Variants in CDH12 observed in about 807,000 individuals in gnomAD.
The protein encoded by CDH12 is cadherin-12.
A neutral mutation model predicts 74.1 loss-of-function variants in CDH12; 41 were observed. That is an observed-to-expected ratio of 0.55 (90% CI 0.43 to 0.72). CDH12 has a LOEUF of 0.72. CDH12 is among the 30% of genes least tolerant of loss of function. The probability of loss-of-function intolerance (pLI) is 0.00; values close to 1 mark genes in which losing one functional copy is unlikely to be tolerated. For synonymous variants in CDH12, 399 were observed against 355.0 expected, an observed-to-expected ratio of 1.12 and a Z score of -1.39; for missense variants, 945 against 977.2, an observed-to-expected ratio of 0.97 and a Z score of 0.44.
chr5:21,763,076 C>T (rs1744817635), intron 12 of CDH12, among the ~76,000 whole-genome samples: 1 of 152,064 alleles, frequency 6.6e-6, no homozygotes, highest in South Asian at 2.1e-4. Context: ...CGTGGATGCA[C>T]TTAAGGTGAT....
chr5:21,764,360 C>G lies in CDH12; in HGVS notation c.1515+618G>C, dbSNP rs540825037. 5.9e-5 allele frequency among the ~76,000 whole-genome samples: 9 copies of G among 151,314 alleles called. 1 individual carries two copies. Among genetic ancestry groups the G allele is most frequent in the Admixed American group, 3.3e-4 (5 of 15,170 alleles). On this transcript the variant is annotated intron_variant, in intron 12 of 14. Coordinates refer to ENST00000382254, the MANE Select transcript of CDH12 (RefSeq NM_004061.5). ...CTGCACTCCAGCCTGGGTGACAGAG[C>G]GAGACTCTGTCTCAAAATAAATAAA...
chr5:22,684,642 G>A (rs1741667129), intron 1 of CDH12, among the ~76,000 whole-genome samples: 1 of 152,174 alleles, frequency 6.6e-6, no homozygotes, highest in Non-Finnish European at 1.5e-5. Context: ...ATCTCTCAAA[G>A]AAATGTCAAT....
At chr5:22,382,487 T>C (rs1227677315) in intron 3 of CDH12, among the ~76,000 whole-genome samples, 1 of 151,822 alleles carries the variant, frequency 6.6e-6, no homozygotes, top group African/African-American at 2.4e-5. Context: ...CTAGCTTTCT[T>C]CCTGCCATTT....
At chr5:22,062,862 T>C (rs1741286039) in intron 5 of CDH12, among the ~76,000 whole-genome samples, 1 of 152,120 alleles carries the variant, frequency 6.6e-6, no homozygotes, top group Non-Finnish European at 1.5e-5. Context: ...ATTATGAGCC[T>C]TGAATCACAA....
At chr5:22,099,582 C>T (rs1033476347) in intron 4 of CDH12, among the ~76,000 whole-genome samples, 10 of 152,094 alleles carry the variant, frequency 6.6e-5, no homozygotes, top group Non-Finnish European at 1.5e-4. Context: ...GTCATCCCTA[C>T]TATCTTCTGT....
At chr5:22,751,928 T>C (rs2127035789) in intron 1 of CDH12, among the ~76,000 whole-genome samples, 1 of 151,458 alleles carries the variant, frequency 6.6e-6, no homozygotes, top group African/African-American at 2.4e-5. Flanking sequence ...GGCAGTATTC[T>C]CAGAGTATAG....
At chr5:22,360,308 C>T (rs551785482) in intron 3 of CDH12, among the ~76,000 whole-genome samples, 52 of 152,188 alleles carry the variant, frequency 3.4e-4, no homozygotes, top group African/African-American at 1.1e-3. Flanking sequence ...AACACCTCTA[C>T]ACAAATAAAC....
At chr5:21,989,462 A>G (rs1580075201) in intron 5 of CDH12, among the ~76,000 whole-genome samples, 1 of 152,256 alleles carries the variant, frequency 6.6e-6, no homozygotes, top group East Asian at 1.9e-4. Flanking sequence ...GTGTTTCCCT[A>G]TTAGCAGGTA....
At chr5:21,980,216 A>G (rs1388730745) in intron 5 of CDH12, among the ~76,000 whole-genome samples, 1 of 151,186 alleles carries the variant, frequency 6.6e-6, no homozygotes, top group Non-Finnish European at 1.5e-5. Context: ...AAATGCCATC[A>G]AGTTACCAGT....
intron 6 of CDH12, among the ~76,000 whole-genome samples, chr5:21,894,817 T>C (rs1020733166): frequency 1.3e-5 from 2 of 152,218 alleles, no homozygotes; most frequent in South Asian, 4.1e-4. Context: ...CATTATCCTT[T>C]AGTAATAACT....
chr5:22,412,934 G>C (rs1464665917), intron 2 of CDH12, among the ~76,000 whole-genome samples: 1 of 151,736 alleles, frequency 6.6e-6, no homozygotes, highest in Non-Finnish European at 1.5e-5. Context: ...TAAAATAGTT[G>C]ATGTTCATCC....
intron 6 of CDH12, among the ~76,000 whole-genome samples, chr5:21,913,854 T>G (rs1753970662): frequency 6.6e-6 from 1 of 152,024 alleles, no homozygotes; most frequent in Non-Finnish European, 1.5e-5. Context: ...CAGCTAATAT[T>G]TTCATTTTTG....
At chr5:22,457,641 C>T (rs1008505056) in intron 2 of CDH12, among the ~76,000 whole-genome samples, 2 of 150,798 alleles carry the variant, frequency 1.3e-5, no homozygotes, top group African/African-American at 2.4e-5. Context: ...TGCAGTGGTG[C>T]GATCTTGGCT....
At chr5:22,415,290 T>C (rs1743335239) in intron 2 of CDH12, among the ~76,000 whole-genome samples, 1 of 152,186 alleles carries the variant, frequency 6.6e-6, no homozygotes, top group African/African-American at 2.4e-5. Flanking sequence ...AACTTAATTT[T>C]TAAAAAGAAC....
At chr5:22,359,070 A>C (rs529148131) in intron 3 of CDH12, among the ~76,000 whole-genome samples, 14 of 152,202 alleles carry the variant, frequency 9.2e-5, no homozygotes, top group Non-Finnish European at 1.9e-4. Context: ...ATCAAATTCA[A>C]ACATAACAAT....
intron 5 of CDH12, among the ~76,000 whole-genome samples, chr5:22,035,063 T>C (rs1202950849): frequency 6.6e-6 from 1 of 152,158 alleles, no homozygotes; most frequent in Non-Finnish European, 1.5e-5. Flanking sequence ...TCACTTCAAG[T>C]TGTGGTTTCT....
chr5:22,815,038 T>C (rs994569289), intron 1 of CDH12, among the ~76,000 whole-genome samples: 14 of 152,138 alleles, frequency 9.2e-5, no homozygotes, highest in African/African-American at 3.1e-4. Context: ...GCACCCAGTG[T>C]TTCTGGCATA....
Position 22,757,635 on chromosome 5 carries a change from C to A in CDH12, c.-523+95423G>T, listed in dbSNP as rs542950943. On this transcript the variant is annotated intron_variant, in intron 1 of 14. Coordinates refer to ENST00000382254, the MANE Select transcript of CDH12 (RefSeq NM_004061.5). Reference sequence around the variant, plus strand: ...ACTTCTGTTATCAGCATTTTTAATCCTTCATGTGTCTCCAAAGCATACAAT... The same window carrying A: ...ACTTCTGTTATCAGCATTTTTAATCATTCATGTGTCTCCAAAGCATACAAT... Among the ~76,000 whole-genome samples the A allele has an allele frequency of 1.8e-4, 27 of 152,150 alleles. No homozygotes were observed. The East Asian group carries it at 4.1e-3, about 23-fold the overall frequency.
At chr5:22,183,573 G>A (rs936903975) in intron 4 of CDH12, among the ~76,000 whole-genome samples, 1 of 152,236 alleles carries the variant, frequency 6.6e-6, no homozygotes, top group Middle Eastern at 3.4e-3. Flanking sequence ...ATTTCTTCTC[G>A]TGAAATTTAA....
Sources: gnomAD v4.1 joint callset for allele counts (sites outside exome capture counted in the v4.1 genomes callset) on GRCh38, gnomAD v4.1.1 for gene constraint, MANE v1.5 for transcripts, NCBI Gene and HGNC (gene_info 2026-07-23, HGNC 2026-07-21) for gene names.